STXBP4: variants seen among roughly 807,000 people sequenced by gnomAD.
STXBP4 encodes syntaxin binding protein 4.
STXBP4 carries 55 observed loss-of-function variants against 76.1 expected under a neutral mutation model. The ratio of observed to expected loss-of-function variants is 0.72; its 90% confidence interval spans 0.58 to 0.91. The LOEUF is 0.91. Ranked by LOEUF, STXBP4 falls within the 40% of genes least tolerant of loss-of-function variation. The pLI, the probability that STXBP4 is intolerant of heterozygous loss-of-function variation, is 0.00. For synonymous variants in STXBP4, 201 were observed against 220.2 expected, an observed-to-expected ratio of 0.91 and a Z score of 0.77; for missense variants, 618 against 636.9, an observed-to-expected ratio of 0.97 and a Z score of 0.32.
intron 13 of STXBP4, among the ~76,000 whole-genome samples, chr17:55,074,128 A>G (rs2079153543): frequency 6.6e-6 from 1 of 152,208 alleles, no homozygotes; most frequent in Non-Finnish European, 1.5e-5. Context: ...ATCAGTTTCT[A>G]AGAGAACATA....
At chr17:54,988,312 A>G (rs2077656674) in intron 3 of STXBP4, among the ~76,000 whole-genome samples, 1 of 152,222 alleles carries the variant, frequency 6.6e-6, no homozygotes, top group African/African-American at 2.4e-5. Flanking sequence ...TACTGAAACA[A>G]TAATATATGC....
intron 16 of STXBP4, among the ~76,000 whole-genome samples, chr17:55,134,193 A>G (rs568629298): frequency 8.6e-5 from 13 of 151,924 alleles, no homozygotes; most frequent in Non-Finnish European, 1.3e-4. Context: ...GGTGGATGTT[A>G]TGGTGGGAAT....
intron 12 of STXBP4, among the ~76,000 whole-genome samples, chr17:55,072,162 T>C (rs867195999): frequency 6.6e-6 from 1 of 152,324 alleles, no homozygotes; most frequent in Middle Eastern, 3.4e-3. Flanking sequence ...GCAGACCTAG[T>C]TTCAGATTCT....
chr17:55,170,264 C>T lies in STXBP4; in HGVS notation c.*10353C>T, dbSNP rs1410809840. The T allele has an allele frequency of 6.6e-6, 1 of 152,006 alleles. No individual in the cohort carries two copies. Among genetic ancestry groups the T allele is most frequent in the Non-Finnish European group, 1.5e-5 (1 of 67,994 alleles). The allele number at this position is 152,006 out of a possible 1,614,324, so 9.4% of individuals were successfully genotyped here. ...AAATGATTGCCTAAATTCCTGAAAA[C>T]AGGGGAATGTCTAAATAAAATATGG... On this transcript the variant is annotated 3_prime_UTR_variant, in exon 18 of 18. Coordinates refer to ENST00000376352, the MANE Select transcript of STXBP4 (RefSeq NM_178509.6).
Position 55,171,642 on chromosome 17 carries a change from C to T in STXBP4, c.*11731C>T, listed in dbSNP as rs2080407057. 6.6e-6 allele frequency: 1 copy of T among 152,186 alleles called. No individual in the cohort carries two copies. Among genetic ancestry groups the T allele is most frequent in the African/African-American group, 2.4e-5 (1 of 41,438 alleles). The allele number at this position is 152,186 out of a possible 1,614,324, so 9.4% of individuals were successfully genotyped here. The stretch of plus-strand genomic sequence containing the variant: ...ATGGTGCCATGTACATGGAAACTGA[C>T]TGCTCTCATGTTACGGGTTGAACTG... On this transcript the variant is annotated 3_prime_UTR_variant, in exon 18 of 18. Coordinates refer to ENST00000376352, the MANE Select transcript of STXBP4 (RefSeq NM_178509.6).
At chr17:55,011,508 C>CTTTTTTTTTTTTTT (rs3080154) in intron 8 of STXBP4, among the ~76,000 whole-genome samples, 1,786 of 85,732 alleles carry the variant, frequency 0.021, 65 homozygotes, top group Middle Eastern at 0.042. Flanking sequence ...TTTTCTTTTT[C>CTTTTTTTTTTTTTT]TTTTTTTTTT....
intron 8 of STXBP4, among the ~76,000 whole-genome samples, chr17:55,008,641 G>A (rs2078050701): frequency 6.6e-6 from 1 of 152,118 alleles, no homozygotes; most frequent in African/African-American, 2.4e-5. Context: ...GCACAAAAGG[G>A]TGTAATCTGA....
chr17:55,174,853 AC>A (rs1281855093), downstream of STXBP4, among the ~76,000 whole-genome samples: 3 of 152,104 alleles, frequency 2.0e-5, no homozygotes, highest in Admixed American at 6.6e-5. Flanking sequence ...AGATAATGCA[AC>A]TTTTAATCTA....
intron 1 of STXBP4, among the ~76,000 whole-genome samples, chr17:54,983,553 A>G (rs181006065): frequency 1.3e-5 from 2 of 151,778 alleles, no homozygotes; most frequent in African/African-American, 2.4e-5. Flanking sequence ...AGGTTAGGCA[A>G]TTTTTCTAAT....
At chr17:55,023,366 A>G (rs1437896298) in intron 8 of STXBP4, among the ~76,000 whole-genome samples, 1 of 152,240 alleles carries the variant, frequency 6.6e-6, no homozygotes, top group Non-Finnish European at 1.5e-5. Context: ...ATGTATATGT[A>G]ATGAGATATC....
chr17:55,053,935 AATAAT>A (rs2144790586), intron 12 of STXBP4, among the ~76,000 whole-genome samples: 1 of 152,278 alleles, frequency 6.6e-6, no homozygotes, highest in East Asian at 1.9e-4. Context: ...TGATTGATAA[AATAAT>A]AATTGTATTA....
the STXBP4 span, among the ~76,000 whole-genome samples, chr17:55,204,895 T>C: frequency 6.6e-6 from 1 of 151,970 alleles, no homozygotes; most frequent in Non-Finnish European, 1.5e-5. Flanking sequence ...CATACACATA[T>C]ACATCTATAT....
chr17:54,996,265 A>G (rs907397551), intron 4 of STXBP4, among the ~76,000 whole-genome samples: 2 of 149,692 alleles, frequency 1.3e-5, no homozygotes, highest in African/African-American at 2.5e-5. Context: ...ATGGGAATTC[A>G]TATGTGTGAA....
intron 1 of STXBP4, among the ~76,000 whole-genome samples, chr17:54,971,991 A>G (rs2077407791): frequency 6.6e-6 from 1 of 152,138 alleles, no homozygotes; most frequent in Admixed American, 6.5e-5. Flanking sequence ...GCCTCAATAT[A>G]GGTCTGTCTG....
rs74506356 is a variant in STXBP4 at position 55,129,382 on chromosome 17, A to G, written c.1490-11928A>G. Reference sequence around the variant, plus strand: ...TAGAAAACTATTTTTTTAATGTTCCAGGTTTATTGGGAGAAAATGTTTATA... The same window carrying G: ...TAGAAAACTATTTTTTTAATGTTCCGGGTTTATTGGGAGAAAATGTTTATA... On this transcript the variant is annotated intron_variant, in intron 16 of 17. Transcript: ENST00000376352. Among the ~76,000 whole-genome samples, 379 of 152,080 alleles carry G rather than the reference A, an allele frequency of 2.5e-3. 3 individuals carry two copies. The highest frequency in any genetic ancestry group is 8.7e-3 in the African/African-American group (360 of 41,514).
downstream of STXBP4, among the ~76,000 whole-genome samples, chr17:55,174,574 T>G (rs546686030): frequency 6.6e-6 from 1 of 152,338 alleles, no homozygotes; most frequent in East Asian, 1.9e-4. Flanking sequence ...AGTTCTTTAT[T>G]CTGGATACAA....
chr17:55,083,006 G>C (rs2079276624), intron 16 of STXBP4, among the ~76,000 whole-genome samples: 1 of 151,564 alleles, frequency 6.6e-6, no homozygotes, highest in Non-Finnish European at 1.5e-5. Flanking sequence ...TTATTACCCA[G>C]GCTGGAGTGC....
At chr17:55,209,975 G>A in the STXBP4 span, among the ~76,000 whole-genome samples, 1 of 152,188 alleles carries the variant, frequency 6.6e-6, no homozygotes, top group Non-Finnish European at 1.5e-5. Context: ...TTAGGGTAAG[G>A]ATGCGTCTAT....
intron 15 of STXBP4, among the ~76,000 whole-genome samples, chr17:55,080,214 A>G (rs981464798): frequency 1.3e-5 from 2 of 152,220 alleles, no homozygotes; most frequent in Admixed American, 1.3e-4. Flanking sequence ...TTAAATAGCT[A>G]CATCACGCAA....
Sources: allele counts gnomAD v4.1 joint callset (sites outside exome capture counted in the v4.1 genomes callset), GRCh38; gene constraint gnomAD v4.1.1; transcripts MANE v1.5; gene names NCBI Gene and HGNC (gene_info 2026-07-23, HGNC 2026-07-21).